The following ZNF292 variants were observed in gnomAD, a reference collection of about 807,000 sequenced individuals.
ZNF292 encodes the protein 16 zinc-finger domain protein.
In ZNF292, 26 loss-of-function variants were observed where a neutral mutation model predicts 217.9. The ratio of observed to expected loss-of-function variants is 0.12; its 90% CI spans 0.09 to 0.17. ZNF292 has a LOEUF of 0.17. ZNF292 is among the 10% of genes least tolerant of loss of function. The pLI is 1.00. For missense variants in ZNF292, 2,904 were observed against 3,175.2 expected (o/e 0.91, Z 2.05); for synonymous variants, 1,257 against 1,124.1 (o/e 1.12, Z -2.37).
intron 1 of ZNF292, among the ~76,000 whole-genome samples, chr6:87,164,376 G>T (rs1302499283): frequency 6.6e-6 from 1 of 152,066 alleles, no homozygotes; most frequent in African/African-American, 2.4e-5. Context: ...GCCCCTCCTG[G>T]TGTCATATTT....
chr6:87,204,652 C>G (rs1184740803), intron 1 of ZNF292, among the ~76,000 whole-genome samples: 1 of 150,118 alleles, frequency 6.7e-6, no homozygotes, highest in Non-Finnish European at 1.5e-5. Context: ...CAACCTCCGC[C>G]TCCTGGGTTC....
intron 7 of ZNF292, among the ~76,000 whole-genome samples, chr6:87,250,038 A>C (rs1774831841): frequency 1.5e-5 from 1 of 65,816 alleles, no homozygotes; most frequent in Admixed American, 2.0e-4. Flanking sequence ...AAAAAAAAAC[A>C]AAAAAAAAAA....
At chr6:87,178,055 A>G (rs1771357938) in intron 1 of ZNF292, among the ~76,000 whole-genome samples, 1 of 149,116 alleles carries the variant, frequency 6.7e-6, no homozygotes, top group African/African-American at 2.5e-5. Context: ...TCTTTTTTTT[A>G]TTGACTTGGT....
rs764033036 is a variant in ZNF292 at position 87,155,584 on chromosome 6, G to A, written c.-8G>A. The A allele has an allele frequency of 2.5e-6, 4 of 1,575,094 alleles. No individual in the cohort carries two copies. The highest frequency in any genetic ancestry group is 2.6e-6 in the Non-Finnish European group (3 of 1,161,254). ...CCAGGTGCGTACGCGACGGAGCGGG[G>A]TGTGAAGATGGCGGACGAAGAGGCC... On this transcript the variant is annotated 5_prime_UTR_variant, in exon 1 of 8. In the 5' UTR this introduces an upstream ATG that the reference lacks. Transcript: ENST00000369577.
chr6:87,223,525 TG>T (rs1275363864), intron 4 of ZNF292: 3 of 152,338 alleles, frequency 2.0e-5, no homozygotes, highest in East Asian at 3.9e-4. Context: ...CATCTTCAAG[TG>T]GGAAGTTATG....
At chr6:87,240,485 C>A (rs1038574908) in intron 5 of ZNF292, among the ~76,000 whole-genome samples, 3 of 152,130 alleles carry the variant, frequency 2.0e-5, no homozygotes, top group Non-Finnish European at 4.4e-5. Context: ...TGCAGTGGCA[C>A]CATCTCAGCT....
chr6:87,227,984 G>A (rs542183030), intron 4 of ZNF292, among the ~76,000 whole-genome samples: 1 of 152,142 alleles, frequency 6.6e-6, no homozygotes, highest in Non-Finnish European at 1.5e-5. Flanking sequence ...GGATCGTATG[G>A]TAGCTGTATT....
At chr6:87,243,280 GT>G (rs58565257) in intron 5 of ZNF292, among the ~76,000 whole-genome samples, 194 bp from the exon 6 acceptor site, 544 of 136,158 alleles carry the variant, frequency 4.0e-3, no homozygotes, top group Middle Eastern at 7.6e-3. Flanking sequence ...ATAAAGAAAG[GT>G]TTTTTTTTTT....
Position 87,260,525 on chromosome 6 carries a change from A to G in ZNF292, c.6896A>G (p.Gln2299Arg), listed in dbSNP as rs1387294638. 1 of 1,613,284 alleles carries G rather than the reference A, an allele frequency of 6.2e-7. No homozygotes were observed. Among genetic ancestry groups the G allele is most frequent in the African/African-American group, 1.3e-5 (1 of 74,906 alleles). Reference sequence around the variant, plus strand: ...CGTCCAAGAAGATTAACACCAGGCCAGGAAAATATGTCAAGCAAGGCAAAC... The same window carrying G: ...CGTCCAAGAAGATTAACACCAGGCCGGGAAAATATGTCAAGCAAGGCAAAC... ...LIRPRRLTPGQENMSSKANQE... is the reference protein window; with the variant it reads ...LIRPRRLTPGRENMSSKANQE... Residue 2299 changes from glutamine to arginine, a missense_variant, in exon 8 of 8, where the codon CAG (glutamine) becomes CGG (arginine). This residue lies in a region of ZNF292 where 101 missense variants were observed against 89.5 expected (regional missense o/e 1.13). Transcript: ENST00000369577.
rs571576922 is a variant in ZNF292, at chr6:87,221,098, T to G, written c.538+2367T>G. Reference sequence around the variant, plus strand: ...TCTGAGTTATTTTAGTTTATTTTTTTCAATTGACTGATTTTGGACCTACTA... The same window carrying G: ...TCTGAGTTATTTTAGTTTATTTTTTGCAATTGACTGATTTTGGACCTACTA... On this transcript the variant is annotated intron_variant, in intron 4 of 7. Coordinates refer to ENST00000369577, the MANE Select transcript of ZNF292 (RefSeq NM_015021.3). Among the ~76,000 whole-genome samples, 307 of 152,314 alleles carry G rather than the reference T, an allele frequency of 2.0e-3. 1 individual carries two copies. The highest frequency in any genetic ancestry group is 7.1e-3 in the African/African-American group (294 of 41,572).
At chr6:87,176,896 A>G (rs1771316419) in intron 1 of ZNF292, among the ~76,000 whole-genome samples, 1 of 152,102 alleles carries the variant, frequency 6.6e-6, no homozygotes, top group African/African-American at 2.4e-5. Context: ...ATGTTTAGTA[A>G]GTACTTCTAA....
chr6:87,216,497 A>C, intron 3 of ZNF292, 120 bp downstream of exon 3: 1 of 693,658 alleles, frequency 1.4e-6, no homozygotes, highest in Non-Finnish European at 2.4e-6. Context: ...TTAATTACTG[A>C]TCTTATTGAC....
intron 1 of ZNF292, among the ~76,000 whole-genome samples, chr6:87,172,676 C>G (rs1039532762): frequency 1.3e-5 from 2 of 152,122 alleles, no homozygotes; most frequent in African/African-American, 4.8e-5. Flanking sequence ...GAGGCCAAGG[C>G]AGGTGGCTTA....
intron 1 of ZNF292, among the ~76,000 whole-genome samples, chr6:87,180,996 G>A (rs2127778028): frequency 6.6e-6 from 1 of 152,292 alleles, no homozygotes; most frequent in Admixed American, 6.5e-5. Flanking sequence ...ACAGGTAGGT[G>A]CAGAGACCAG....
intron 4 of ZNF292, among the ~76,000 whole-genome samples, chr6:87,228,737 A>G (rs979627349): frequency 3.9e-5 from 6 of 152,184 alleles, no homozygotes; most frequent in African/African-American, 1.4e-4. Flanking sequence ...TCATTTGACC[A>G]TATATGATAG....
Position 87,258,352 on chromosome 6 carries a change from T to A in ZNF292, c.4723T>A (p.Leu1575Ile). The A allele has an allele frequency of 6.2e-7, 1 of 1,613,704 alleles. No homozygotes were observed. The change falls in exon 8 of 8, where the codon TTA becomes ATA. Residue 1575 changes from leucine (L) to isoleucine (I), a missense_variant. Coordinates refer to ENST00000369577, the MANE Select transcript of ZNF292 (RefSeq NM_015021.3). ...SSLPVFPTND[L>I]LLKTVENGLC... ...CTTGCCTGTTTTTCCAACGAATGAC[T>A]TACTACTGAAGACTGTTGAAAATGG...
rs1775112629 is a variant in ZNF292, at chr6:87,254,688, T to C, written c.1059T>C (p.Cys353=). Residue 353 remains cysteine (C), a synonymous_variant, in exon 8 of 8, where the codon TGT becomes TGC. Coordinates refer to ENST00000369577, the MANE Select transcript of ZNF292 (RefSeq NM_015021.3). ...GAGLATCIEL[C]VKALRLESTE... ...GACTTGCTACCTGTATAGAACTGTG[T>C]GTAAAGGCTCTTCGCTTGGAGTCTA... 6.2e-7 allele frequency: 1 copy of C among 1,613,846 alleles called. No homozygotes were observed. Among genetic ancestry groups the C allele is most frequent in the Non-Finnish European group, 8.5e-7 (1 of 1,179,778 alleles).
At chr6:87,213,026 A>G (rs1772570702) in intron 1 of ZNF292, among the ~76,000 whole-genome samples, 1 of 152,228 alleles carries the variant, frequency 6.6e-6, no homozygotes, top group Admixed American at 6.5e-5. Context: ...GATTAATAGG[A>G]GAAATGGCAT....
chr6:87,172,146 G>A (rs747142691), intron 1 of ZNF292, among the ~76,000 whole-genome samples: 7 of 152,132 alleles, frequency 4.6e-5, no homozygotes. Context: ...TATGAGGGAA[G>A]GAACTGCATC....
Sources: gnomAD v4.1 joint callset for allele counts (sites outside exome capture counted in the v4.1 genomes callset) on GRCh38, gnomAD v4.1.1 for gene constraint, gnomAD v4.1.1 regional missense constraint, MANE v1.5 for transcripts, NCBI Gene and HGNC (gene_info 2026-07-23, HGNC 2026-07-21) for gene names.